PROS1: variants seen among roughly 807,000 people sequenced by gnomAD.
PROS1 encodes protein S, also known as vitamin K-dependent protein S.
A neutral mutation model predicts 75.9 loss-of-function variants in PROS1; 29 were observed. The ratio of observed to expected loss-of-function variants is 0.38; its 90% CI spans 0.28 to 0.52. The LOEUF is 0.52. Among genes scored for constraint, PROS1 ranks in the 20% least tolerant of loss-of-function variants. The pLI, the probability that PROS1 is intolerant of heterozygous loss-of-function variation, is 0.83. For synonymous variants in PROS1, 245 were observed against 280.6 expected, an observed-to-expected ratio of 0.87 and a Z score of 1.27; for missense variants, 680 against 810.3, an observed-to-expected ratio of 0.84 and a Z score of 1.95.
intron 1 of PROS1, among the ~76,000 whole-genome samples, chr3:93,955,988 G>T (rs1188087640): frequency 1.3e-5 from 2 of 152,102 alleles, no homozygotes; most frequent in Admixed American, 1.3e-4. Flanking sequence ...TATAACAGAA[G>T]ATTTAAAAAG....
intron 7 of PROS1, 150 bp downstream of exon 7, chr3:93,900,654 A>G: frequency 8.7e-7 from 1 of 1,149,390 alleles, no homozygotes; most frequent in South Asian, 1.3e-5. Flanking sequence ...TCTGGAAGGA[A>G]GGAAGCCAAT....
intron 9 of PROS1, among the ~76,000 whole-genome samples, chr3:93,893,848 G>T (rs1278454080): frequency 6.6e-6 from 1 of 152,140 alleles, no homozygotes; most frequent in African/African-American, 2.4e-5. Flanking sequence ...CATGTGTTTG[G>T]GGGGTATCTG....
intron 1 of PROS1, among the ~76,000 whole-genome samples, chr3:93,948,917 T>C (rs1050585741): frequency 2.0e-5 from 3 of 152,228 alleles, no homozygotes; most frequent in African/African-American, 7.2e-5. Context: ...TATGAAAATA[T>C]CTGGTAGCAA....
At chr3:93,956,491 T>C (rs1251274427) in intron 1 of PROS1, among the ~76,000 whole-genome samples, 9 of 150,844 alleles carry the variant, frequency 6.0e-5, no homozygotes, top group Non-Finnish European at 1.2e-4. Flanking sequence ...ACTGATTCTC[T>C]CTCTGTCTCT....
At position 93,873,927 on chromosome 3, in the gene PROS1, T is replaced by C. The variant is rs1381809758; in HGVS notation, c.*318A>G. 3.8e-5 allele frequency: 11 copies of C among 291,950 alleles called. No individual in the cohort carries two copies. The highest frequency in any genetic ancestry group is 5.9e-5 in the Non-Finnish European group (9 of 153,098). 18.1% of individuals were successfully genotyped at this position (291,950 alleles called of 1,614,324 possible). On this transcript the variant is annotated 3_prime_UTR_variant, in exon 15 of 15. Coordinates refer to ENST00000394236, the MANE Select transcript of PROS1 (RefSeq NM_000313.4). ...GCTTTCTGAAAAAAACATAGGTATTTAGACACTAGTTCATGATGATAAAAT... is the reference window on the plus strand; with the variant it reads ...GCTTTCTGAAAAAAACATAGGTATTCAGACACTAGTTCATGATGATAAAAT...
At chr3:93,880,272 T>C (rs1180757214) in intron 12 of PROS1, among the ~76,000 whole-genome samples, 2 of 152,006 alleles carry the variant, frequency 1.3e-5, no homozygotes, top group Non-Finnish European at 2.9e-5. Flanking sequence ...CCTAGCACTT[T>C]GGAATTGCCT....
At chr3:93,903,585 T>G (rs1708629593) in intron 6 of PROS1, among the ~76,000 whole-genome samples, 2 of 151,966 alleles carry the variant, frequency 1.3e-5, no homozygotes, top group South Asian at 4.2e-4. Context: ...TGGGAGGATC[T>G]CCCAGGAGGT....
At chr3:93,954,041 G>A (rs537180156) in intron 1 of PROS1, among the ~76,000 whole-genome samples, 1 of 152,222 alleles carries the variant, frequency 6.6e-6, no homozygotes, top group East Asian at 1.9e-4. Context: ...TCTTCAAGGA[G>A]AAATACAAAC....
chr3:93,934,256 ATGT>A (rs1709149929), intron 1 of PROS1, among the ~76,000 whole-genome samples: 4 of 152,132 alleles, frequency 2.6e-5, no homozygotes, highest in African/African-American at 9.7e-5. Flanking sequence ...ATATTCAAAA[ATGT>A]ATTTAAAATA....
At chr3:93,909,433 TA>T (rs752049146) in intron 4 of PROS1, among the ~76,000 whole-genome samples, 930 of 79,896 alleles carry the variant, frequency 0.012, 6 homozygotes, top group Middle Eastern at 0.041. Flanking sequence ...AGAGCTTGTC[TA>T]AAAAAAAAAA....
At chr3:93,960,423 G>A (rs1376980424) in intron 1 of PROS1, among the ~76,000 whole-genome samples, 6 of 150,712 alleles carry the variant, frequency 4.0e-5, no homozygotes, top group African/African-American at 7.3e-5. Flanking sequence ...AGATCCGCCC[G>A]CCTCGGCCTC....
At chr3:93,879,101 A>T in intron 13 of PROS1, 62 bp downstream of exon 13, 1 of 1,467,270 alleles carries the variant, frequency 6.8e-7, no homozygotes. Context: ...AAATACTGCT[A>T]TGTATACATT....
At chr3:93,941,988 A>C (rs1051521903) in intron 1 of PROS1, among the ~76,000 whole-genome samples, 8 of 152,072 alleles carry the variant, frequency 5.3e-5, no homozygotes, top group African/African-American at 1.9e-4. Flanking sequence ...CCAGCCTCCC[A>C]CATTATTCTG....
intron 4 of PROS1, among the ~76,000 whole-genome samples, chr3:93,910,408 A>G (rs969000907): frequency 2.2e-4 from 33 of 152,242 alleles, no homozygotes; most frequent in African/African-American, 7.7e-4. Flanking sequence ...CAGTTTAAAC[A>G]TTAGGCAAAA....
chr3:93,972,042 A>G (rs1709889577), intron 1 of PROS1, among the ~76,000 whole-genome samples: 1 of 152,200 alleles, frequency 6.6e-6, no homozygotes, highest in African/African-American at 2.4e-5. Context: ...ATGTTTATAT[A>G]TAATACACAT....
intron 1 of PROS1, among the ~76,000 whole-genome samples, chr3:93,964,235 T>C (rs1709751655): frequency 6.6e-6 from 1 of 152,154 alleles, no homozygotes; most frequent in African/African-American, 2.4e-5. Flanking sequence ...AAGACAACCA[T>C]AAGGTCTTAC....
rs567929968 is a variant in PROS1 at position 93,930,366 on chromosome 3, A to C, written c.77-2959T>G. On this transcript the variant is annotated intron_variant, in intron 1 of 14. Coordinates refer to ENST00000394236, the MANE Select transcript of PROS1 (RefSeq NM_000313.4). ...CTAGTTTGTAATAAATACAGCAAAA[A>C]ATTTGGACTTTTTGAACTTTACAGC... 5.9e-5 allele frequency among the ~76,000 whole-genome samples: 9 copies of C among 152,310 alleles called. No homozygotes were observed. In the East Asian group the frequency reaches 1.7e-3, roughly 29 times the overall value.
chr3:93,954,992 C>A (rs1184976721), intron 1 of PROS1, among the ~76,000 whole-genome samples: 2 of 152,188 alleles, frequency 1.3e-5, no homozygotes, highest in Non-Finnish European at 2.9e-5. Context: ...TCATCACTGG[C>A]CATCAGAGAA....
rs180870434 is a variant in PROS1, at chr3:93,917,648, G to T, written c.259+6592C>A. ...GCGAGGGGGAACAGCTGGAGTTCCT[G>T]GTGGGCGTGGGCTTGGCGGGCCGGC... On this transcript the variant is annotated intron_variant, in intron 3 of 14. Transcript: ENST00000394236. Among the ~76,000 whole-genome samples the T allele has an allele frequency of 1.1e-3, 168 of 152,292 alleles. 7 individuals carry two copies. Among genetic ancestry groups the T allele is most frequent in the Admixed American group, 7.8e-3 (120 of 15,302 alleles).
Sources: allele counts gnomAD v4.1 joint callset (sites outside exome capture counted in the v4.1 genomes callset), GRCh38; gene constraint gnomAD v4.1.1; transcripts MANE v1.5; gene names NCBI Gene and HGNC (gene_info 2026-07-23, HGNC 2026-07-21).